Variants in IFT88 observed in about 807,000 individuals in gnomAD.
The protein encoded by IFT88 is intraflagellar transport protein 88 homolog.
A neutral mutation model predicts 119.5 loss-of-function variants in IFT88; 74 were observed. That is an observed-to-expected ratio of 0.62 (90% CI 0.51 to 0.75). IFT88 has a LOEUF of 0.75. IFT88 is among the 30% of genes least tolerant of loss of function. The pLI is 0.00. For missense variants in IFT88, 961 were observed against 977.7 expected (o/e 0.98, Z 0.23); for synonymous variants, 279 against 316.7 (o/e 0.88, Z 1.26).
intron 2 of IFT88, 75 bp downstream of exon 2, chr13:20,574,550 T>A (rs2037003960): frequency 1.4e-6 from 1 of 732,560 alleles, no homozygotes; most frequent in Non-Finnish European, 2.3e-6. Context: ...ATTTGAGAGT[T>A]CTACTTTATT....
At chr13:20,594,563 G>T (rs2041309155) in intron 7 of IFT88, among the ~76,000 whole-genome samples, 1 of 151,926 alleles carries the variant, frequency 6.6e-6, no homozygotes, top group South Asian at 2.1e-4. Context: ...ATAGGGACAG[G>T]GTAAGTTACT....
intron 9 of IFT88, among the ~76,000 whole-genome samples, chr13:20,598,154 A>G (rs1235630913): frequency 6.6e-6 from 1 of 152,222 alleles, no homozygotes. Context: ...CTACGATTCC[A>G]TGAAATCTTT....
chr13:20,586,109 CTT>C (rs1294323135), intron 3 of IFT88, among the ~76,000 whole-genome samples: 6 of 152,114 alleles, frequency 3.9e-5, no homozygotes, highest in Non-Finnish European at 7.4e-5. Context: ...TTAGAAATGA[CTT>C]TGGAGATTCT....
At chr13:20,601,075 AG>A (rs2042516343) in intron 11 of IFT88, among the ~76,000 whole-genome samples, 1 of 152,210 alleles carries the variant, frequency 6.6e-6, no homozygotes, top group Non-Finnish European at 1.5e-5. Context: ...GACAGAAAAT[AG>A]ACTAATGGGC....
At chr13:20,620,238 G>A (rs1341987237) in intron 14 of IFT88, among the ~76,000 whole-genome samples, 1 of 151,842 alleles carries the variant, frequency 6.6e-6, no homozygotes, top group East Asian at 1.9e-4. Flanking sequence ...TCTGTAGTAG[G>A]GCTATCCAGT....
intron 1 of IFT88, among the ~76,000 whole-genome samples, chr13:20,571,689 C>T (rs570595633): frequency 6.6e-6 from 1 of 152,232 alleles, no homozygotes; most frequent in South Asian, 2.1e-4. Flanking sequence ...GGAGGTTTAT[C>T]AAAAGGAGAA....
intron 2 of IFT88, 107 bp from the exon 3 acceptor site, chr13:20,582,850 C>T: frequency 1.3e-6 from 1 of 776,262 alleles, no homozygotes; most frequent in Non-Finnish European, 2.1e-6. Flanking sequence ...CAACAGTTGG[C>T]AATAGATGAG....
intron 14 of IFT88, among the ~76,000 whole-genome samples, chr13:20,619,912 A>G (rs2046223389): frequency 6.6e-6 from 1 of 152,280 alleles, no homozygotes; most frequent in African/African-American, 2.4e-5. Flanking sequence ...AGCCAGCCAT[A>G]CTGTGGCATC....
At chr13:20,686,739 T>C (rs1312138557) in intron 24 of IFT88, among the ~76,000 whole-genome samples, 1 of 152,200 alleles carries the variant, frequency 6.6e-6, no homozygotes, top group Non-Finnish European at 1.5e-5. Flanking sequence ...ATCTTAAGTT[T>C]ATTACTGCTA....
Position 20,598,537 on chromosome 13 carries a change from T to C in IFT88, c.595-114T>C, listed in dbSNP as rs557142528. Reference sequence around the variant, plus strand: ...TTACTTAATTTCATAATTGGCTGAGTATCTTGATATAAGTAGCTAACTTTG... The same window carrying C: ...TTACTTAATTTCATAATTGGCTGAGCATCTTGATATAAGTAGCTAACTTTG... On this transcript the variant is annotated intron_variant, in intron 9 of 25. Coordinates refer to ENST00000351808, the MANE Select transcript of IFT88 (RefSeq NM_006531.5). 8 of 543,712 alleles carry C rather than the reference T, an allele frequency of 1.5e-5. No homozygotes were observed. The South Asian group carries it at 2.3e-4, about 16-fold the overall frequency. The allele number at this position is 543,712 out of a possible 1,614,324, so 33.7% of individuals were successfully genotyped here. A position where few individuals can be genotyped will look rare whatever the true frequency, so the allele number is the denominator to read the frequency against.
At chr13:20,678,589 G>T (rs1326703467) in intron 24 of IFT88, among the ~76,000 whole-genome samples, 1 of 152,208 alleles carries the variant, frequency 6.6e-6, no homozygotes, top group Non-Finnish European at 1.5e-5. Context: ...CCGCTCCGGA[G>T]GGGCCAGGTT....
intron 12 of IFT88, 31 bp from the exon 13 acceptor site, chr13:20,605,004 A>G (rs1345977819): frequency 1.8e-6 from 2 of 1,089,378 alleles, no homozygotes; most frequent in Admixed American, 3.9e-5. Flanking sequence ...CTTCTGAATT[A>G]TTCTTTTTTT....
rs1400619533 is a variant in IFT88 at position 20,589,763 on chromosome 13, T to C, written c.154-48T>C. The C allele has an allele frequency of 5.8e-6, 7 of 1,199,672 alleles. 1 individual carries two copies. The highest frequency in any genetic ancestry group is 2.9e-5 in the South Asian group (2 of 69,240). The allele number at this position is 1,199,672 out of a possible 1,614,324, so 74.3% of individuals were successfully genotyped here. ...CTATTTCTTTTCCAGTTTTCTATTATATAGCTCAGTCTGAATCCTGTTAAC... is the reference window on the plus strand; with the variant it reads ...CTATTTCTTTTCCAGTTTTCTATTACATAGCTCAGTCTGAATCCTGTTAAC... On this transcript the variant is annotated intron_variant, in intron 3 of 25. Coordinates refer to ENST00000351808, the MANE Select transcript of IFT88 (RefSeq NM_006531.5).
At chr13:20,681,359 G>T (rs1165908769) in intron 24 of IFT88, among the ~76,000 whole-genome samples, 1 of 152,214 alleles carries the variant, frequency 6.6e-6, no homozygotes, top group Non-Finnish European at 1.5e-5. Flanking sequence ...GGGAACATGG[G>T]TGGCACCCAT....
chr13:20,655,975 A>G (rs2140607476), intron 21 of IFT88, among the ~76,000 whole-genome samples: 1 of 152,212 alleles, frequency 6.6e-6, no homozygotes. Context: ...AGGCTCAGCA[A>G]TGTGCGTCTA....
rs1314751217 is a variant in IFT88 at position 20,631,080 on chromosome 13, A to G, written c.1364A>G (p.Asn455Ser). The part of the protein sequence containing the change: ...DSRVKSAAAT[N>S]LSALYYMGKD... ...AGAGTGAAAAGTGCAGCTGCAACCA[A>G]TCTCTCAGCCCTGTATTATATGGTA... Residue 455 changes from asparagine to serine, a missense_variant, in exon 16 of 26, where the codon AAT becomes AGT. Asn to Ser is a conservative substitution (Grantham distance 46). Coordinates refer to ENST00000351808, the MANE Select transcript of IFT88 (RefSeq NM_006531.5). 3.1e-6 allele frequency: 5 copies of G among 1,602,344 alleles called. No homozygotes were observed. The highest frequency in any genetic ancestry group is 1.1e-5 in the South Asian group (1 of 90,820).
At chr13:20,615,931 A>G (rs749524950) in intron 14 of IFT88, 52 bp downstream of exon 14, 5 of 970,448 alleles carry the variant, frequency 5.2e-6, no homozygotes, top group South Asian at 1.8e-5. Context: ...TTCATAATTT[A>G]TACTTTTAAA....
chr13:20,569,348 C>G (rs796813974), intron 1 of IFT88, among the ~76,000 whole-genome samples: 1 of 151,576 alleles, frequency 6.6e-6, no homozygotes, highest in Non-Finnish European at 1.5e-5. Context: ...CCGAGCCGGG[C>G]GGATCACGAG....
intron 24 of IFT88, among the ~76,000 whole-genome samples, chr13:20,684,696 C>A (rs1425665650): frequency 6.6e-6 from 1 of 152,218 alleles, no homozygotes; most frequent in Non-Finnish European, 1.5e-5. Context: ...ACCTTCACTC[C>A]TTTTCTGAGG....
Sources: allele counts gnomAD v4.1 joint callset (sites outside exome capture counted in the v4.1 genomes callset), GRCh38; gene constraint gnomAD v4.1.1; transcripts MANE v1.5; gene names NCBI Gene and HGNC (gene_info 2026-07-23, HGNC 2026-07-21).